NSMCE2: variants seen among roughly 807,000 people sequenced by gnomAD.
NSMCE2 encodes NSE2 SUMO ligase component of SMC5/6 complex, also known as E3 SUMO-protein ligase NSE2.
NSMCE2 carries 24 observed loss-of-function variants against 23.8 expected under a neutral mutation model. The observed-to-expected ratio is 1.01, with a 90% CI of 0.73 to 1.42. The LOEUF (loss-of-function observed/expected upper bound fraction) is 1.42. Ranked by LOEUF, NSMCE2 falls within the 40% of genes most tolerant of loss-of-function variation. The pLI is 0.00. For missense variants in NSMCE2, 284 were observed against 296.5 expected (o/e 0.96, Z 0.31); for synonymous variants, 92 against 94.1 (o/e 0.98, Z 0.13).
intron 5 of NSMCE2, among the ~76,000 whole-genome samples, chr8:125,220,392 C>T (rs922357540): frequency 6.6e-6 from 1 of 152,002 alleles, no homozygotes; most frequent in African/African-American, 2.4e-5. Flanking sequence ...TTATCATTTG[C>T]CTTAGAATTT....
intron 3 of NSMCE2, among the ~76,000 whole-genome samples, chr8:125,139,703 AC>A (rs58241047): frequency 0.064 from 9,759 of 152,292 alleles, 419 homozygotes; most frequent in South Asian, 0.15. Context: ...TTCACATGAT[AC>A]ATGGGAATTG....
intron 4 of NSMCE2, among the ~76,000 whole-genome samples, chr8:125,180,251 G>A (rs75492931): frequency 0.032 from 4,902 of 151,930 alleles, 110 homozygotes; most frequent in Middle Eastern, 0.071. Flanking sequence ...AGCTTTATTC[G>A]TTCTTTAGCC....
chr8:125,367,067 T>C lies in NSMCE2; in HGVS notation c.*182T>C. The C allele has an allele frequency of 1.8e-6, 1 of 551,624 alleles. No homozygotes were observed. Among genetic ancestry groups the C allele is most frequent in the South Asian group, 2.6e-5 (1 of 38,536 alleles). The allele number at this position is 551,624 out of a possible 1,614,324, so 34.2% of individuals were successfully genotyped here. A position where few individuals can be genotyped will look rare whatever the true frequency, so the allele number is the denominator to read the frequency against. On this transcript the variant is annotated 3_prime_UTR_variant, in exon 8 of 8. Transcript: ENST00000287437. ...AAGTTACACAACAGAAATGCAATCA[T>C]ATTGTTTATTTTTAAGTGTTCTATA...
chr8:125,221,595 A>G (rs1432145866), intron 5 of NSMCE2, among the ~76,000 whole-genome samples: 1 of 152,252 alleles, frequency 6.6e-6, no homozygotes, highest in Non-Finnish European at 1.5e-5. Context: ...CTTACGTGAA[A>G]TGCTTGAAAC....
chr8:125,327,023 G>C (rs1444257552), intron 5 of NSMCE2, among the ~76,000 whole-genome samples: 1 of 151,436 alleles, frequency 6.6e-6, no homozygotes, highest in Non-Finnish European at 1.5e-5. Flanking sequence ...AGCACTTTGG[G>C]AGGCCGAGGC....
At chr8:125,108,519 C>A (rs898468713) in intron 3 of NSMCE2, among the ~76,000 whole-genome samples, 9 of 152,344 alleles carry the variant, frequency 5.9e-5, no homozygotes, top group Admixed American at 4.6e-4. Flanking sequence ...TAACTTCTTT[C>A]AGCTTCTAAT....
intron 5 of NSMCE2, among the ~76,000 whole-genome samples, chr8:125,316,732 T>TTTTCTTCCTTCCTTCCTTCCTTCCTTCC (rs1829216728): frequency 9.8e-6 from 1 of 102,438 alleles, no homozygotes; most frequent in African/African-American, 4.6e-5. Context: ...CTTTCCTTCT[T>TTTTCTTCCTTCCTTCCTTCCTTCCTTCC]TTCCTTCCTT....
At chr8:125,286,311 A>ATTTTT (rs369845619) in intron 5 of NSMCE2, among the ~76,000 whole-genome samples, 1 of 98,928 alleles carries the variant, frequency 1.0e-5, no homozygotes. Flanking sequence ...AATACCTTTT[A>ATTTTT]TTTATTTTTT....
intron 3 of NSMCE2, among the ~76,000 whole-genome samples, chr8:125,145,939 C>G (rs1373894972): frequency 1.3e-5 from 2 of 152,168 alleles, no homozygotes; most frequent in African/African-American, 4.8e-5. Flanking sequence ...TCTTACAGCA[C>G]TTCAGATTAG....
chr8:125,306,732 A>T (rs1266215200), intron 5 of NSMCE2, among the ~76,000 whole-genome samples: 1 of 152,188 alleles, frequency 6.6e-6, no homozygotes, highest in Non-Finnish European at 1.5e-5. Context: ...TTGGTAGGTT[A>T]TCTAGTGTAA....
At chr8:125,316,771 C>CCTTCCT (rs1333224137) in intron 5 of NSMCE2, among the ~76,000 whole-genome samples, 20 of 140,240 alleles carry the variant, frequency 1.4e-4, no homozygotes, top group Admixed American at 2.9e-4. Flanking sequence ...TTCCTTCCTT[C>CCTTCCT]TCTCTCTCTC....
chr8:125,325,006 A>G (rs1829606960), intron 5 of NSMCE2, among the ~76,000 whole-genome samples: 1 of 152,204 alleles, frequency 6.6e-6, no homozygotes. Context: ...CAACTTTGTG[A>G]ACAATCAACA....
At chr8:125,275,632 T>C (rs766152543) in intron 5 of NSMCE2, among the ~76,000 whole-genome samples, 1 of 152,180 alleles carries the variant, frequency 6.6e-6, no homozygotes, top group African/African-American at 2.4e-5. Context: ...CTAGACCTAA[T>C]GTTTTATGTA....
In NSMCE2 at chr8:125,288,595, T is replaced by C. The variant is rs543713167; in HGVS notation, c.419-68624T>C. On this transcript the variant is annotated intron_variant, in intron 5 of 7. Transcript: ENST00000287437. ...TCTCTGTACTTAACACTGTTCTGTG[T>C]ATCTGAAACTCTTCTCTCACTTTGG... 3.9e-5 allele frequency among the ~76,000 whole-genome samples: 6 copies of C among 152,310 alleles called. No homozygotes were observed. In the South Asian group the frequency reaches 1.2e-3, roughly 32 times the overall value.
chr8:125,115,963 A>G (rs1818987474), intron 3 of NSMCE2, among the ~76,000 whole-genome samples: 1 of 152,224 alleles, frequency 6.6e-6, no homozygotes, highest in East Asian at 1.9e-4. Flanking sequence ...AATTAGGCTC[A>G]TTGAATTGAA....
intron 3 of NSMCE2, among the ~76,000 whole-genome samples, chr8:125,106,684 C>CAA (rs1213499765): frequency 2.3e-5 from 3 of 132,138 alleles, no homozygotes; most frequent in Non-Finnish European, 3.3e-5. Flanking sequence ...GACTCCATCT[C>CAA]AAAAAAAAAA....
At chr8:125,324,810 G>A (rs1829595058) in intron 5 of NSMCE2, among the ~76,000 whole-genome samples, 1 of 107,818 alleles carries the variant, frequency 9.3e-6, no homozygotes. Flanking sequence ...TCCTGACCTC[G>A]TGATCCGCCC....
At chr8:125,137,130 CAG>C (rs1411488339) in intron 3 of NSMCE2, among the ~76,000 whole-genome samples, 1 of 152,008 alleles carries the variant, frequency 6.6e-6, no homozygotes. Flanking sequence ...TATTCTCCGA[CAG>C]ATAGGAATAT....
chr8:125,157,563 G>A (rs1267738867), intron 4 of NSMCE2, among the ~76,000 whole-genome samples: 13 of 152,158 alleles, frequency 8.5e-5, no homozygotes, highest in Admixed American at 7.9e-4. Context: ...TTAAGGTTGT[G>A]TTCGGTAACA....
Sources: allele counts gnomAD v4.1 joint callset (sites outside exome capture counted in the v4.1 genomes callset), GRCh38; gene constraint gnomAD v4.1.1; transcripts MANE v1.5; gene names NCBI Gene and HGNC (gene_info 2026-07-23, HGNC 2026-07-21).